BICC1: variants seen among roughly 807,000 people sequenced by gnomAD.
BICC1 encodes BicC family RNA binding protein 1, also known as protein bicaudal C homolog 1.
A neutral mutation model predicts 111.0 loss-of-function variants in BICC1; 43 were observed. The ratio of observed to expected loss-of-function variants is 0.39; its 90% CI spans 0.30 to 0.50. The LOEUF (loss-of-function observed/expected upper bound fraction) is 0.50, where lower values mean the gene tolerates loss of function less well. Among genes scored for constraint, BICC1 ranks in the 20% least tolerant of loss-of-function variants. The probability of loss-of-function intolerance (pLI) is 0.88; values close to 1 mark genes in which losing one functional copy is unlikely to be tolerated. For synonymous variants in BICC1, 467 were observed against 434.4 expected, an observed-to-expected ratio of 1.07 and a Z score of -0.93; for missense variants, 1,091 against 1,203.2, an observed-to-expected ratio of 0.91 and a Z score of 1.38.
rs560905357 is a variant in BICC1 at position 58,706,065 on chromosome 10, T to G, written c.307+3922T>G. Among the ~76,000 whole-genome samples, 352 of 152,314 alleles carry G rather than the reference T, an allele frequency of 2.3e-3. 1 individual carries two copies. Among genetic ancestry groups the G allele is most frequent in the Non-Finnish European group, 4.4e-3 (296 of 68,024 alleles). On this transcript the variant is annotated intron_variant, in intron 3 of 20. Transcript: ENST00000373886. ...TATTTTGAGTGGATAAAAATTTAAC[T>G]CCTTCTGACTCTTAGATTGAGAATA... is the stretch of plus-strand genomic sequence containing the variant.
chr10:58,695,731 G>A (rs995525043), intron 2 of BICC1, among the ~76,000 whole-genome samples: 1 of 152,126 alleles, frequency 6.6e-6, no homozygotes, highest in African/African-American at 2.4e-5. Context: ...ATATTATCCG[G>A]TAATTGCTGC....
At chr10:58,732,868 A>G (rs968171888) in intron 3 of BICC1, among the ~76,000 whole-genome samples, 2 of 152,170 alleles carry the variant, frequency 1.3e-5, no homozygotes, top group Non-Finnish European at 2.9e-5. Flanking sequence ...CTGATCACAG[A>G]TCACCATAAC....
chr10:58,671,904 C>T (rs908328682), intron 2 of BICC1, among the ~76,000 whole-genome samples: 1 of 152,044 alleles, frequency 6.6e-6, no homozygotes, highest in African/African-American at 2.4e-5. Flanking sequence ...CAATTCTTTT[C>T]CTTTTCTTGA....
intron 1 of BICC1, among the ~76,000 whole-genome samples, chr10:58,552,477 A>G (rs913626733): frequency 1.1e-4 from 16 of 152,136 alleles, no homozygotes; most frequent in African/African-American, 3.9e-4. Flanking sequence ...CTGGGACTAC[A>G]GGTGCCCGCC....
intron 4 of BICC1, among the ~76,000 whole-genome samples, chr10:58,785,921 C>G (rs1482037009): frequency 6.6e-6 from 1 of 151,954 alleles, no homozygotes; most frequent in East Asian, 1.9e-4. Context: ...CCTTTCTGTT[C>G]TTTGTTGGTT....
intron 1 of BICC1, among the ~76,000 whole-genome samples, chr10:58,602,733 G>A (rs796278415): frequency 5.3e-5 from 8 of 152,270 alleles, no homozygotes; most frequent in African/African-American, 1.7e-4. Context: ...TCCCCTAAAT[G>A]TTTCCCTAGG....
intron 3 of BICC1, among the ~76,000 whole-genome samples, chr10:58,733,749 C>G (rs117120153): frequency 6.6e-6 from 1 of 152,352 alleles, no homozygotes; most frequent in Non-Finnish European, 1.5e-5. Flanking sequence ...GGCCTAGCAT[C>G]ATAAATGCAT....
At chr10:58,561,491 T>A (rs961770764) in intron 1 of BICC1, among the ~76,000 whole-genome samples, 11 of 152,030 alleles carry the variant, frequency 7.2e-5, no homozygotes, top group African/African-American at 1.9e-4. Flanking sequence ...TTTCTTTTTT[T>A]AAAAAAATCT....
At chr10:58,561,567 G>T (rs1379629137) in intron 1 of BICC1, among the ~76,000 whole-genome samples, 1 of 151,882 alleles carries the variant, frequency 6.6e-6, no homozygotes, top group Non-Finnish European at 1.5e-5. Flanking sequence ...GATTACTATT[G>T]ATAGGTGAGA....
chr10:58,529,087 G>A (rs535179901), intron 1 of BICC1, among the ~76,000 whole-genome samples: 1 of 151,992 alleles, frequency 6.6e-6, no homozygotes, highest in African/African-American at 2.4e-5. Flanking sequence ...GATTTTCTAT[G>A]GTAATTGAGC....
At chr10:58,653,042 CAGA>C (rs1417877707) in intron 2 of BICC1, among the ~76,000 whole-genome samples, 1 of 152,044 alleles carries the variant, frequency 6.6e-6, no homozygotes, top group Non-Finnish European at 1.5e-5. Flanking sequence ...AAGAGACATA[CAGA>C]AAACAAATTA....
At chr10:58,567,699 A>G (rs558646003) in intron 1 of BICC1, among the ~76,000 whole-genome samples, 4 of 152,178 alleles carry the variant, frequency 2.6e-5, no homozygotes, top group South Asian at 4.2e-4. Context: ...TTAGACAGCC[A>G]CTGTCAGTTT....
At chr10:58,761,004 C>T (rs1842299463) in intron 3 of BICC1, among the ~76,000 whole-genome samples, 1 of 152,002 alleles carries the variant, frequency 6.6e-6, no homozygotes, top group African/African-American at 2.4e-5. Flanking sequence ...TTGTTTATCA[C>T]CCTGCCTGGC....
intron 3 of BICC1, among the ~76,000 whole-genome samples, chr10:58,735,096 T>C (rs1284363972): frequency 6.6e-6 from 1 of 152,208 alleles, no homozygotes; most frequent in Non-Finnish European, 1.5e-5. Flanking sequence ...CAGAAGCAAA[T>C]TGTGTTTTCC....
At chr10:58,569,069 A>G (rs1016536150) in intron 1 of BICC1, among the ~76,000 whole-genome samples, 2 of 152,212 alleles carry the variant, frequency 1.3e-5, no homozygotes, top group Admixed American at 1.3e-4. Context: ...CCTTCTCTAA[A>G]TAACAAAGGT....
rs774094478 is a variant in BICC1, at chr10:58,513,298, G to T, written c.155G>T (p.Arg52Leu). 6.2e-7 allele frequency: 1 copy of T among 1,610,708 alleles called. No homozygotes were observed. Among genetic ancestry groups the T allele is most frequent in the Non-Finnish European group, 8.5e-7 (1 of 1,178,192 alleles). ...CCGGAGTGGAGCGAGGAGCGCTTCCGCGTGGACAGGAAGAAACTTGAGGCC... is the reference window on the plus strand; with the variant it reads ...CCGGAGTGGAGCGAGGAGCGCTTCCTCGTGGACAGGAAGAAACTTGAGGCC... The part of the protein sequence containing the change: ...HSPEWSEERF[R>L]VDRKKLEAML... Residue 52 changes from arginine (R) to leucine (L), a missense_variant, in exon 1 of 21, where the codon CGC becomes CTC. Around this residue, in one of 3 missense-constraint regions of BICC1, gnomAD observed 843 missense variants for 900.8 expected, o/e 0.94. Coordinates refer to ENST00000373886, the MANE Select transcript of BICC1 (RefSeq NM_001080512.3).
intron 1 of BICC1, among the ~76,000 whole-genome samples, chr10:58,583,584 C>CTG (rs3076149): frequency 0.019 from 2,710 of 139,364 alleles, 29 homozygotes; most frequent in Non-Finnish European, 0.027. Context: ...TTCTCTCTCT[C>CTG]TGTGTGTGTG....
At position 58,513,222 on chromosome 10, in the gene BICC1, C is replaced by A; in HGVS notation, c.79C>A (p.Pro27Thr). Residue 27 changes from proline (P) to threonine (T), a missense_variant, in exon 1 of 21, where the codon CCA (proline) becomes ACA (threonine). This residue lies in a region of BICC1 where 843 missense variants were observed against 900.8 expected (regional missense o/e 0.94). Transcript: ENST00000373886. ...CAACAGCGAGCGCAGCACCGACTCCCCAGTGCCCGGCTCCGAGGACGACTT... is the reference window on the plus strand; with the variant it reads ...CAACAGCGAGCGCAGCACCGACTCCACAGTGCCCGGCTCCGAGGACGACTT... ...GSNSERSTDS[P>T]VPGSEDDLVA... 1 of 1,612,240 alleles carries A rather than the reference C, an allele frequency of 6.2e-7. No homozygotes were observed.
intron 2 of BICC1, among the ~76,000 whole-genome samples, chr10:58,672,001 C>T (rs1242300390): frequency 6.6e-6 from 1 of 152,024 alleles, no homozygotes; most frequent in Non-Finnish European, 1.5e-5. Flanking sequence ...AAGCTCGTTC[C>T]CTGTCATTTT....
Sources: allele counts gnomAD v4.1 joint callset (sites outside exome capture counted in the v4.1 genomes callset), GRCh38; gene constraint gnomAD v4.1.1; regional missense constraint gnomAD v4.1.1; transcripts MANE v1.5; gene names NCBI Gene and HGNC (gene_info 2026-07-23, HGNC 2026-07-21).